The following EPHA8 variants were observed in gnomAD, a reference collection of about 807,000 sequenced individuals.
The protein encoded by EPHA8 is ephrin type-A receptor 8.
Under a neutral mutation model 103.6 loss-of-function variants are expected in EPHA8, and 58 were observed. The observed-to-expected ratio is 0.56, with a 90% CI of 0.45 to 0.70. The LOEUF (loss-of-function observed/expected upper bound fraction) is 0.70. Ranked by LOEUF, EPHA8 falls within the 30% of genes least tolerant of loss-of-function variation. The pLI, the probability that EPHA8 is intolerant of heterozygous loss-of-function variation, is 0.00. For synonymous variants in EPHA8, 559 were observed against 572.5 expected (o/e 0.98, Z 0.34); for missense variants, 1,304 against 1,395.2 (o/e 0.93, Z 1.04).
Position 22,570,349 on chromosome 1 carries a change from TAC to T in EPHA8, c.159+1002_159+1003del, listed in dbSNP as rs532518480. Among the ~76,000 whole-genome samples the T allele has an allele frequency of 2.3e-4, 26 of 112,782 alleles. No individual in the cohort carries two copies. In the East Asian group the frequency reaches 4.2e-3, roughly 18 times the overall value. 74.0% of individuals were successfully genotyped at this position (112,782 alleles called of 152,430 possible). Reference sequence around the variant, plus strand: ...ACACACGCACATGCACATGCGTGGGTACACACATGCACACACGTGTGCGCGTA... The same window carrying T: ...ACACACGCACATGCACATGCGTGGGTACACATGCACACACGTGTGCGCGTA... On this transcript the variant is annotated intron_variant, in intron 2 of 16. Coordinates refer to ENST00000166244, the MANE Select transcript of EPHA8 (RefSeq NM_020526.5).
In EPHA8 at chr1:22,598,989, C is replaced by G. The variant is rs1165586714; in HGVS notation, c.2330C>G (p.Ser777Cys). The G allele has an allele frequency of 6.2e-7, 1 of 1,612,116 alleles. No homozygotes were observed. Among genetic ancestry groups the G allele is most frequent in the Non-Finnish European group, 8.5e-7 (1 of 1,179,722 alleles). The part of the protein sequence containing the change: ...LVDSNLVCKV[S>C]DFGLSRVLED... ...GACAGCAACCTGGTCTGCAAGGTGT[C>G]TGACTTCGGGCTCTCACGGGTGCTG... is the stretch of plus-strand genomic sequence containing the variant. The change falls in exon 13 of 17, where the codon TCT (serine) becomes TGT (cysteine). Residue 777 changes from serine to cysteine, a missense_variant. By Grantham distance (112) the Ser-to-Cys change is moderately radical. Coordinates refer to ENST00000166244, the MANE Select transcript of EPHA8 (RefSeq NM_020526.5). The surrounding 1 kb of genome is among the most constrained non-coding windows in gnomAD (Gnocchi z 5.1).
rs1641555144 is a variant in EPHA8, at chr1:22,597,535, G to A, written c.1930+59G>A. 1 of 1,584,518 alleles carries A rather than the reference G, an allele frequency of 6.3e-7. No homozygotes were observed. Among genetic ancestry groups the A allele is most frequent in the Non-Finnish European group, 8.6e-7 (1 of 1,163,926 alleles). On this transcript the variant is annotated intron_variant, in intron 10 of 16. Coordinates refer to ENST00000166244, the MANE Select transcript of EPHA8 (RefSeq NM_020526.5). This position sits in a 1 kb window ranked among gnomAD's most constrained non-coding sequence, Gnocchi z 4.6. Reference sequence around the variant, plus strand: ...ATGGGGCAAGGTGGGGGCACCCAGGGCAAGGTGGGGGCACCCAGGGCAGAG... The same window carrying A: ...ATGGGGCAAGGTGGGGGCACCCAGGACAAGGTGGGGGCACCCAGGGCAGAG...
Position 22,597,416 on chromosome 1 carries a change from C to G in EPHA8, c.1870C>G (p.Arg624Gly). The G allele has an allele frequency of 6.2e-7, 1 of 1,613,534 alleles. No individual in the cohort carries two copies. Among genetic ancestry groups the G allele is most frequent in the Non-Finnish European group, 8.5e-7 (1 of 1,179,992 alleles). ...HTYEEPGRAG[R>G]SFTREIEASR... ...CTACGAGGAGCCAGGCCGGGCGGGC[C>G]GCAGTTTCACTCGGGAGATCGAGGC... Residue 624 changes from arginine to glycine, a missense_variant, in exon 10 of 17, where the codon CGC becomes GGC. Transcript: ENST00000166244. The surrounding 1 kb of genome is among the most constrained non-coding windows in gnomAD (Gnocchi z 4.6).
In EPHA8 at chr1:22,597,627, G is replaced by A. The variant is rs201461269; in HGVS notation, c.1931-49G>A. The A allele has an allele frequency of 5.4e-3, 8,423 of 1,560,178 alleles. 43 individuals are homozygous for A. Among genetic ancestry groups the A allele is most frequent in the Non-Finnish European group, 6.2e-3 (7,124 of 1,152,166 alleles). ...AGGGCCTGGGAGGCTGGGGGAGTCT[G>A]AGGGTCCCACTGCCCTCCCTCCACA... is the stretch of plus-strand genomic sequence containing the variant. On this transcript the variant is annotated intron_variant, in intron 10 of 16. Transcript: ENST00000166244. This position sits in a 1 kb window ranked among gnomAD's most constrained non-coding sequence, Gnocchi z 4.6.
At chr1:22,596,042 G>T (rs1388075200) in intron 8 of EPHA8, 64 bp from the exon 9 acceptor site, 1 of 1,497,062 alleles carries the variant, frequency 6.7e-7, no homozygotes, top group African/African-American at 1.4e-5. Context: ...TCGTTCCCTG[G>T]TTGGGGTCAG....
At chr1:22,575,393 A>C (rs938442976) in intron 2 of EPHA8, among the ~76,000 whole-genome samples, 3 of 152,040 alleles carry the variant, frequency 2.0e-5, no homozygotes, top group African/African-American at 7.2e-5. Context: ...TTTTCTTTAG[A>C]GAAATGTCTG....
At chr1:22,586,938 G>A (rs755401429) in intron 4 of EPHA8, among the ~76,000 whole-genome samples, 31 of 152,266 alleles carry the variant, frequency 2.0e-4, no homozygotes, top group Non-Finnish European at 3.8e-4. Context: ...CAGCGATGCC[G>A]ATGTCCTGGG....
At chr1:22,566,678 G>C (rs1640368401) in intron 1 of EPHA8, among the ~76,000 whole-genome samples, 1 of 152,202 alleles carries the variant, frequency 6.6e-6, no homozygotes, top group Admixed American at 6.5e-5. Flanking sequence ...TCACAGTCCG[G>C]CAGCGCAAGA....
At position 22,587,686 on chromosome 1, in the gene EPHA8, C is replaced by T. The variant is rs999380893; in HGVS notation, c.979+1051C>T. Among the ~76,000 whole-genome samples, 3 of 152,224 alleles carry T rather than the reference C, an allele frequency of 2.0e-5. No individual in the cohort carries two copies. The East Asian group carries it at 5.8e-4, about 29-fold the overall frequency. On this transcript the variant is annotated intron_variant, in intron 4 of 16. Transcript: ENST00000166244. Reference sequence around the variant, plus strand: ...GTGGTAGGGCAAGAGGCACTTCAGACTGTTCTGATTTTGCTCTGAATCTGC... The same window carrying T: ...GTGGTAGGGCAAGAGGCACTTCAGATTGTTCTGATTTTGCTCTGAATCTGC...
At chr1:22,578,163 AGT>A (rs1270640114) in intron 3 of EPHA8, among the ~76,000 whole-genome samples, 47 of 66,654 alleles carry the variant, frequency 7.1e-4, no homozygotes, top group African/African-American at 2.2e-3. Flanking sequence ...TGTGTGCATG[AGT>A]GTATGTGTGC....
At chr1:22,593,236 C>A (rs1483762456) in intron 5 of EPHA8, 90 bp from the exon 6 acceptor site, 4 of 1,499,236 alleles carry the variant, frequency 2.7e-6, no homozygotes, top group Non-Finnish European at 3.6e-6. Context: ...AGGGCTGGAA[C>A]CAGGATCCCC....
Position 22,588,895 on chromosome 1 carries a change from T to G in EPHA8, c.1004T>G (p.Leu335Arg). The G allele has an allele frequency of 6.3e-7, 1 of 1,597,478 alleles. No individual in the cohort carries two copies. Among genetic ancestry groups the G allele is most frequent in the African/African-American group, 1.3e-5 (1 of 74,930 alleles). ...GGGCCACCCTCGGCACCAGTGAACC[T>G]GATCTCCAGTGTGAATGGGACATCA... ...CTRPPSAPVN[L>R]ISSVNGTSVT... Residue 335 changes from leucine (L) to arginine (R), a missense_variant, in exon 5 of 17, where the codon CTG (leucine) becomes CGG (arginine). Transcript: ENST00000166244.
chr1:22,590,784 C>T (rs556807588), intron 5 of EPHA8, among the ~76,000 whole-genome samples: 8 of 152,194 alleles, frequency 5.3e-5, no homozygotes, highest in Admixed American at 1.3e-4. Context: ...CCCCAACTCG[C>T]GGTCACCAGC....
chr1:22,583,577 A>G (rs941849569), intron 3 of EPHA8, among the ~76,000 whole-genome samples: 5 of 152,224 alleles, frequency 3.3e-5, no homozygotes, highest in African/African-American at 1.2e-4. Context: ...AACAATTGTA[A>G]GAATTCCAAC....
At position 22,601,931 on chromosome 1, in the gene EPHA8, G is replaced by T; in HGVS notation, c.*190G>T. On this transcript the variant is annotated 3_prime_UTR_variant, in exon 17 of 17. Transcript: ENST00000166244. ...GTCAGGCGCCTGGGAAGGGGCCTTT[G>T]GTGGCCACCCTGGTGAGGACACCTG... The T allele has an allele frequency of 1.6e-6, 1 of 632,460 alleles. No homozygotes were observed. Among genetic ancestry groups the T allele is most frequent in the Non-Finnish European group, 2.7e-6 (1 of 369,828 alleles). The allele number at this position is 632,460 out of a possible 1,614,324, so 39.2% of individuals were successfully genotyped here.
At position 22,597,104 on chromosome 1, in the gene EPHA8, C is replaced by T. The variant is rs776537867; in HGVS notation, c.1766-208C>T. Among the ~76,000 whole-genome samples, 2 of 152,176 alleles carry T rather than the reference C, an allele frequency of 1.3e-5. No individual in the cohort carries two copies. The highest frequency in any genetic ancestry group is 2.9e-5 in the Non-Finnish European group (2 of 68,034). Reference sequence around the variant, plus strand: ...AGACATGCCCAGAACTCACTGGAGACTCCACAGCCCCATAGAAACCCCAGA... The same window carrying T: ...AGACATGCCCAGAACTCACTGGAGATTCCACAGCCCCATAGAAACCCCAGA... On this transcript the variant is annotated intron_variant, in intron 9 of 16. Coordinates refer to ENST00000166244, the MANE Select transcript of EPHA8 (RefSeq NM_020526.5). This position sits in a 1 kb window ranked among gnomAD's most constrained non-coding sequence, Gnocchi z 4.6.
chr1:22,569,189 T>C lies in EPHA8; in HGVS notation c.95-100T>C. 8.6e-7 allele frequency: 1 copy of C among 1,158,638 alleles called. No homozygotes were observed. The highest frequency in any genetic ancestry group is 1.3e-6 in the Non-Finnish European group (1 of 776,856). 71.8% of individuals were successfully genotyped at this position (1,158,638 alleles called of 1,614,324 possible). ...AGAGGGACCCGTGTGAGCTGTGTGC[T>C]GGGGGCTGAGTGTGGACCAGTGTAG... On this transcript the variant is annotated intron_variant, in intron 1 of 16. Transcript: ENST00000166244. The surrounding 1 kb of genome is among the most constrained non-coding windows in gnomAD (Gnocchi z 4.5).
intron 3 of EPHA8, among the ~76,000 whole-genome samples, chr1:22,577,255 C>T (rs1363092928): frequency 6.6e-6 from 1 of 152,106 alleles, no homozygotes; most frequent in Non-Finnish European, 1.5e-5. Context: ...AAGCACTTTG[C>T]GAGTATTAAC....
In EPHA8 at chr1:22,593,370, A is replaced by G. The variant is rs1570018365; in HGVS notation, c.1360A>G (p.Thr454Ala). 6.3e-7 allele frequency: 1 copy of G among 1,589,938 alleles called. No individual in the cohort carries two copies. The highest frequency in any genetic ancestry group is 8.6e-7 in the Non-Finnish European group (1 of 1,168,592). ...VVIRQERAGQ[T>A]SVSLLWQEPE... ...GATCCGTCAAGAGCGGGCGGGGCAG[A>G]CCAGCGTCTCGCTGCTGTGGCAGGA... Residue 454 changes from threonine (T) to alanine (A), a missense_variant, in exon 6 of 17, where the codon ACC becomes GCC. Transcript: ENST00000166244.
Sources: gnomAD v4.1 joint callset for allele counts (sites outside exome capture counted in the v4.1 genomes callset) on GRCh38, gnomAD v4.1.1 for gene constraint, Gnocchi (gnomAD v3.1) non-coding constraint, MANE v1.5 for transcripts, NCBI Gene and HGNC (gene_info 2026-07-23, HGNC 2026-07-21) for gene names.